MYO3A: variants seen among roughly 807,000 people sequenced by gnomAD.
MYO3A encodes myosin-IIIa.
In MYO3A, 180 loss-of-function variants were observed where a neutral mutation model predicts 192.7. The observed-to-expected ratio is 0.93, with a 90% CI of 0.83 to 1.06. MYO3A has a LOEUF of 1.06. Among genes scored for constraint, MYO3A ranks in the 50% least tolerant of loss-of-function variants. The probability of loss-of-function intolerance (pLI) is 0.00; values close to 1 mark genes in which losing one functional copy is unlikely to be tolerated. For missense variants in MYO3A, 1,896 were observed against 1,905.0 expected (o/e 1.00, Z 0.09); for synonymous variants, 628 against 645.3 (o/e 0.97, Z 0.41).
chr10:26,105,807 T>C (rs1331385972), intron 17 of MYO3A, among the ~76,000 whole-genome samples: 1 of 151,986 alleles, frequency 6.6e-6, no homozygotes, highest in Non-Finnish European at 1.5e-5. Flanking sequence ...CTCCTAGATT[T>C]TCTTGAAAGT....
intron 2 of MYO3A, among the ~76,000 whole-genome samples, chr10:25,946,532 T>A (rs1401755511): frequency 2.6e-5 from 4 of 151,758 alleles, no homozygotes; most frequent in Non-Finnish European, 5.9e-5. Flanking sequence ...TTTTTTTTTT[T>A]TGTCTTTGTC....
intron 4 of MYO3A, among the ~76,000 whole-genome samples, chr10:25,974,882 T>C (rs1348304737): frequency 6.6e-6 from 1 of 152,222 alleles, no homozygotes; most frequent in Non-Finnish European, 1.5e-5. Flanking sequence ...TGCCTCATTT[T>C]ATGAGGCCAG....
intron 10 of MYO3A, among the ~76,000 whole-genome samples, chr10:26,062,101 A>G (rs1325339032): frequency 6.6e-6 from 1 of 152,192 alleles, no homozygotes. Context: ...AAACTACACT[A>G]TTCTAAACAA....
intron 17 of MYO3A, among the ~76,000 whole-genome samples, chr10:26,114,942 A>G (rs776356787): frequency 6.6e-6 from 1 of 152,232 alleles, no homozygotes; most frequent in Non-Finnish European, 1.5e-5. Context: ...GGAAAAAAAG[A>G]ACAGCATAAG....
chr10:26,051,621 A>T (rs1402308446), intron 10 of MYO3A, among the ~76,000 whole-genome samples: 1 of 148,448 alleles, frequency 6.7e-6, no homozygotes, highest in African/African-American at 2.4e-5. Context: ...ATTAAATATA[A>T]ATATATATTT....
intron 15 of MYO3A, among the ~76,000 whole-genome samples, chr10:26,090,380 A>C (rs77870987): frequency 0.014 from 2,072 of 152,328 alleles, 56 homozygotes; most frequent in African/African-American, 0.047. Flanking sequence ...GATGCATTCT[A>C]AGAAATAGCA....
At chr10:25,946,566 C>T (rs746195503) in intron 2 of MYO3A, among the ~76,000 whole-genome samples, 2 of 141,570 alleles carry the variant, frequency 1.4e-5, no homozygotes, top group Non-Finnish European at 3.1e-5. Flanking sequence ...ATTATAATGT[C>T]TTGGCATGGG....
At chr10:25,968,156 A>T (rs1342594841) in intron 4 of MYO3A, among the ~76,000 whole-genome samples, 2 of 152,180 alleles carry the variant, frequency 1.3e-5, no homozygotes, top group African/African-American at 4.8e-5. Flanking sequence ...AATGAGAAGG[A>T]TTATAAAAGC....
chr10:26,173,836 A>C lies in MYO3A; in HGVS notation c.3572A>C (p.Lys1191Thr), dbSNP rs1487078703. 6.2e-7 allele frequency: 1 copy of C among 1,614,146 alleles called. No individual in the cohort carries two copies. The highest frequency in any genetic ancestry group is 1.1e-5 in the South Asian group (1 of 91,084). The change falls in exon 30 of 35, where the codon AAA (lysine) becomes ACA (threonine). Residue 1191 changes from lysine to threonine, a missense_variant. Coordinates refer to ENST00000642920, the MANE Select transcript of MYO3A (RefSeq NM_017433.5). ...AACAGAGTGTATCAGACTCCAAAAA[A>C]AATGAATAATGTGTATGAGGAAGAG... ...SNNRVYQTPK[K>T]MNNVYEEEVK...
Position 26,171,332 on chromosome 10 carries a change from G to A in MYO3A, c.3398+793G>A, listed in dbSNP as rs903294575. On this transcript the variant is annotated intron_variant, in intron 29 of 34. Transcript: ENST00000642920. ...TTAACATCAAGTCTGGCCATAGAAA[G>A]GGTGAAGGAATGAAATAGAAGAAGA... 3.9e-5 allele frequency among the ~76,000 whole-genome samples: 6 copies of A among 152,106 alleles called. 1 individual carries two copies. In the South Asian group the frequency reaches 1.2e-3, roughly 32 times the overall value.
chr10:26,146,521 G>A (rs934953868), intron 22 of MYO3A, among the ~76,000 whole-genome samples: 2 of 152,132 alleles, frequency 1.3e-5, no homozygotes, highest in African/African-American at 4.8e-5. Flanking sequence ...GCTTGAAGAT[G>A]GCTACCTTCT....
At chr10:26,058,478 C>T (rs567625404) in intron 10 of MYO3A, among the ~76,000 whole-genome samples, 2 of 152,270 alleles carry the variant, frequency 1.3e-5, no homozygotes, top group South Asian at 4.1e-4. Flanking sequence ...GTTTTCTACT[C>T]ATTTGGGTAG....
chr10:26,115,495 T>C (rs1455526902), intron 17 of MYO3A, among the ~76,000 whole-genome samples: 2 of 152,246 alleles, frequency 1.3e-5, no homozygotes, highest in African/African-American at 4.8e-5. Context: ...TGTACCTATA[T>C]CTAGATTTTT....
At chr10:25,970,740 GA>G (rs1838587785) in intron 4 of MYO3A, among the ~76,000 whole-genome samples, 1 of 151,898 alleles carries the variant, frequency 6.6e-6, no homozygotes, top group African/African-American at 2.4e-5. Flanking sequence ...ATCAAATGGG[GA>G]AAATTATTAT....
chr10:26,002,829 A>G (rs1431961102), intron 6 of MYO3A, among the ~76,000 whole-genome samples: 2 of 152,174 alleles, frequency 1.3e-5, no homozygotes, highest in Non-Finnish European at 2.9e-5. Flanking sequence ...AACAGCACCC[A>G]GCTAACTTCT....
intron 2 of MYO3A, among the ~76,000 whole-genome samples, chr10:25,946,178 T>G (rs1836818269): frequency 6.6e-6 from 1 of 152,220 alleles, no homozygotes; most frequent in Non-Finnish European, 1.5e-5. Flanking sequence ...TTACTTTTAC[T>G]GGAGAACTTT....
At chr10:26,199,593 A>G (rs1317832277) in intron 32 of MYO3A, among the ~76,000 whole-genome samples, 1 of 152,132 alleles carries the variant, frequency 6.6e-6, no homozygotes, top group African/African-American at 2.4e-5. Context: ...AGAAAAAAGA[A>G]TATTCTAACA....
rs182303087 is a variant in MYO3A, at chr10:26,064,470, G to A, written c.954-2505G>A. Among the ~76,000 whole-genome samples, 33 of 152,284 alleles carry A rather than the reference G, an allele frequency of 2.2e-4. No homozygotes were observed. The East Asian group carries it at 6.0e-3, about 28-fold the overall frequency. ...ATGCACAAATCATATGGGCCTTGTA[G>A]GCCATGGTAAGGCATTGGATATTCC... On this transcript the variant is annotated intron_variant, in intron 10 of 34. Transcript: ENST00000642920.
chr10:26,063,515 A>G (rs1372517578), intron 10 of MYO3A, among the ~76,000 whole-genome samples: 5 of 152,076 alleles, frequency 3.3e-5, no homozygotes, highest in Admixed American at 1.3e-4. Context: ...TTTTTTTTGC[A>G]TGTGAATGTC....
Sources: gnomAD v4.1 joint callset for allele counts (sites outside exome capture counted in the v4.1 genomes callset) on GRCh38, gnomAD v4.1.1 for gene constraint, MANE v1.5 for transcripts, NCBI Gene and HGNC (gene_info 2026-07-23, HGNC 2026-07-21) for gene names.